MAP2K3: variants seen among roughly 807,000 people sequenced by gnomAD.
MAP2K3 encodes mitogen-activated protein kinase kinase 3, also known as dual specificity mitogen-activated protein kinase kinase 3.
Under a neutral mutation model 46.4 loss-of-function variants are expected in MAP2K3, and 30 were observed. The observed-to-expected ratio is 0.65, with a 90% CI of 0.48 to 0.88. MAP2K3 has a LOEUF of 0.88. Ranked by LOEUF, MAP2K3 falls within the 40% of genes least tolerant of loss-of-function variation. MAP2K3 has a pLI of 0.00. For synonymous variants in MAP2K3, 189 were observed against 176.3 expected (o/e 1.07, Z -0.57); for missense variants, 380 against 464.5 (o/e 0.82, Z 1.67).
At chr17:21,293,794 T>C (rs933313609) in intron 1 of MAP2K3, among the ~76,000 whole-genome samples, 2 of 152,306 alleles carry the variant, frequency 1.3e-5, no homozygotes, top group Admixed American at 6.5e-5. Context: ...TGGCCGTGTA[T>C]GAGGCCAGAT....
At chr17:21,300,460 A>C (rs1181615162) in intron 3 of MAP2K3, 85 bp from the exon 4 acceptor site, 16 of 1,396,292 alleles carry the variant, frequency 1.1e-5, no homozygotes, top group Non-Finnish European at 1.2e-5. Flanking sequence ...GGTCCTCTTC[A>C]TGCTGCCCAG....
intron 1 of MAP2K3, among the ~76,000 whole-genome samples, chr17:21,287,372 G>C (rs1247913518): frequency 6.6e-6 from 1 of 152,258 alleles, no homozygotes; most frequent in Non-Finnish European, 1.5e-5. Context: ...CCCATAGGTG[G>C]AGAGCCTCAC....
intron 1 of MAP2K3, 180 bp from the exon 2 acceptor site, chr17:21,298,233 G>T (rs942859796): frequency 6.9e-6 from 6 of 870,992 alleles, no homozygotes; most frequent in African/African-American, 1.6e-5. Context: ...CCCCTGCAGG[G>T]CTGGTGGGCC....
chr17:21,290,227 TG>T (rs1168103593), intron 1 of MAP2K3, among the ~76,000 whole-genome samples: 1 of 152,170 alleles, frequency 6.6e-6, no homozygotes. Flanking sequence ...TGGGGAGCAC[TG>T]CTGCCTGGGA....
rs762417458 is a variant in MAP2K3, at chr17:21,284,895, ACCGCCGTCCAGGAC to A, written c.-23_-10del. ...CCCGCAGTCCTCTAGATTAGTCTCC[ACCGCCGTCCAGGAC>A]CCACTTGCAGCATGGAGTCGCCCGC... On this transcript the variant is annotated 5_prime_UTR_variant, in exon 1 of 12. Transcript: ENST00000342679. 6.2e-7 allele frequency: 1 copy of A among 1,611,220 alleles called. No homozygotes were observed. The highest frequency in any genetic ancestry group is 1.1e-5 in the South Asian group (1 of 90,768).
intron 9 of MAP2K3, among the ~76,000 whole-genome samples, chr17:21,307,503 G>T (rs1976949295): frequency 1.3e-5 from 2 of 151,824 alleles, no homozygotes; most frequent in African/African-American, 2.4e-5. Context: ...AGGCCCTGAG[G>T]TGGGGCTGTG....
intron 1 of MAP2K3, among the ~76,000 whole-genome samples, chr17:21,292,604 A>G (rs1339738959): frequency 6.6e-6 from 1 of 152,310 alleles, no homozygotes; most frequent in East Asian, 1.9e-4. Flanking sequence ...AGCTCAAGGA[A>G]TCCACCCACC....
chr17:21,300,039 C>T (rs1404704648), intron 3 of MAP2K3, among the ~76,000 whole-genome samples: 2 of 152,312 alleles, frequency 1.3e-5, no homozygotes, highest in African/African-American at 4.8e-5. Context: ...TCCAGGCTGT[C>T]GCACTCCCTG....
chr17:21,300,455 T>G, intron 3 of MAP2K3, 90 bp from the exon 4 acceptor site: 1 of 1,358,954 alleles, frequency 7.4e-7, no homozygotes, highest in Non-Finnish European at 1.0e-6. Flanking sequence ...CAGCTGGTCC[T>G]CTTCATGCTG....
intron 1 of MAP2K3, among the ~76,000 whole-genome samples, chr17:21,285,562 T>C (rs1357222589): frequency 1.3e-5 from 2 of 152,134 alleles, no homozygotes; most frequent in East Asian, 3.9e-4. Flanking sequence ...ATAGGCCCTA[T>C]GTTGCCCCTT....
At chr17:21,307,551 G>A (rs1397576097) in intron 9 of MAP2K3, among the ~76,000 whole-genome samples, 7 of 147,162 alleles carry the variant, frequency 4.8e-5, no homozygotes, top group African/African-American at 1.7e-4. Flanking sequence ...AGAGGAGAGG[G>A]AGGGAGGGTT....
chr17:21,292,415 G>C (rs1224060132), intron 1 of MAP2K3, among the ~76,000 whole-genome samples: 10 of 149,640 alleles, frequency 6.7e-5, no homozygotes, highest in Non-Finnish European at 1.0e-4. Flanking sequence ...ACAGTGTCTT[G>C]CTCTGTTGCC....
Position 21,305,171 on chromosome 17 carries a change from G to A in MAP2K3, c.774+43G>A, listed in dbSNP as rs9895117. ...GGCCTGCCCTTGGTGGTCAGGTGGG[G>A]TGGGTGGAGCCGTGCCTGGGGCCCT... is the stretch of plus-strand genomic sequence containing the variant. On this transcript the variant is annotated intron_variant, in intron 9 of 11. Coordinates refer to ENST00000342679, the MANE Select transcript of MAP2K3 (RefSeq NM_145109.3). 6.2e-6 allele frequency: 10 copies of A among 1,613,906 alleles called. No homozygotes were observed. In the African/African-American group the frequency reaches 1.3e-4, roughly 22 times the overall value.
intron 1 of MAP2K3, among the ~76,000 whole-genome samples, chr17:21,292,021 G>A (rs1975966846): frequency 6.6e-6 from 1 of 152,312 alleles, no homozygotes; most frequent in Non-Finnish European, 1.5e-5. Context: ...CTGAGGTGCG[G>A]GGAAGGCAGG....
intron 10 of MAP2K3, among the ~76,000 whole-genome samples, chr17:21,312,982 A>C (rs4985838): frequency 0.58 from 87,911 of 151,582 alleles, 26,810 homozygotes; most frequent in African/African-American, 0.78. Flanking sequence ...ACTTCTCTGA[A>C]CTTAATTAAA....
chr17:21,296,595 CT>C (rs1274295298), intron 1 of MAP2K3, among the ~76,000 whole-genome samples: 1 of 152,312 alleles, frequency 6.6e-6, no homozygotes, highest in African/African-American at 2.4e-5. Flanking sequence ...GGCCAGACCC[CT>C]GACTTGCTGT....
Position 21,284,793 on chromosome 17 carries a change from C to T in MAP2K3, c.-128C>T. On this transcript the variant is annotated 5_prime_UTR_variant, in exon 1 of 12. Coordinates refer to ENST00000342679, the MANE Select transcript of MAP2K3 (RefSeq NM_145109.3). Reference sequence around the variant, plus strand: ...TCCTCGCCGCAGTCGCCGCCGCCGCCGCCGCCGCCGCCGCTGCTCCTCCGC... The same window carrying T: ...TCCTCGCCGCAGTCGCCGCCGCCGCTGCCGCCGCCGCCGCTGCTCCTCCGC... The T allele has an allele frequency of 3.6e-6, 4 of 1,114,974 alleles. No homozygotes were observed. Among genetic ancestry groups the T allele is most frequent in the Non-Finnish European group, 3.7e-6 (3 of 819,082 alleles). The allele number at this position is 1,114,974 out of a possible 1,614,324, so 69.1% of individuals were successfully genotyped here. A position where few individuals can be genotyped will look rare whatever the true frequency, so the allele number is the denominator to read the frequency against.
At chr17:21,299,603 A>C (rs12947763) in intron 3 of MAP2K3, among the ~76,000 whole-genome samples, 3 of 145,068 alleles carry the variant, frequency 2.1e-5, no homozygotes, top group South Asian at 4.4e-4. Flanking sequence ...GATTGCTTGA[A>C]CCCAGGAGGT....
chr17:21,286,681 C>G (rs182652009), intron 1 of MAP2K3, among the ~76,000 whole-genome samples: 2 of 152,336 alleles, frequency 1.3e-5, no homozygotes, highest in Non-Finnish European at 2.9e-5. Context: ...GGCTTTTTAG[C>G]TCTCCAGGCA....
Sources: gnomAD v4.1 joint callset for allele counts (sites outside exome capture counted in the v4.1 genomes callset) on GRCh38, gnomAD v4.1.1 for gene constraint, MANE v1.5 for transcripts, NCBI Gene and HGNC (gene_info 2026-07-23, HGNC 2026-07-21) for gene names.